The following DSCAM variants were observed in gnomAD, a reference collection of about 807,000 sequenced individuals.
The protein encoded by DSCAM is DS cell adhesion molecule.
Under a neutral mutation model 217.7 loss-of-function variants are expected in DSCAM, and 47 were observed. That is an observed-to-expected ratio of 0.22 (90% CI 0.17 to 0.28). DSCAM has a LOEUF of 0.28. Ranked by LOEUF, DSCAM falls within the 10% of genes least tolerant of loss-of-function variation. The pLI is 1.00. For synonymous variants in DSCAM, 1,056 were observed against 1,015.3 expected, an observed-to-expected ratio of 1.04 and a Z score of -0.76; for missense variants, 2,080 against 2,618.3, an observed-to-expected ratio of 0.79 and a Z score of 4.49.
chr21:40,342,371 A>G (rs553695625), intron 6 of DSCAM, among the ~76,000 whole-genome samples: 1 of 151,868 alleles, frequency 6.6e-6, no homozygotes, highest in African/African-American at 2.4e-5. Context: ...ATTTGTGTTG[A>G]CATTTAATGC....
chr21:40,094,148 G>A (rs1182272723), intron 20 of DSCAM, among the ~76,000 whole-genome samples: 1 of 152,044 alleles, frequency 6.6e-6, no homozygotes, highest in African/African-American at 2.4e-5. Flanking sequence ...CTGAGATGGA[G>A]TAACAAGAAC....
intron 3 of DSCAM, among the ~76,000 whole-genome samples, chr21:40,506,768 C>A (rs1294930004): frequency 6.6e-6 from 1 of 152,074 alleles, no homozygotes; most frequent in East Asian, 1.9e-4. Flanking sequence ...TTGGAAACAT[C>A]AGATTGGTGG....
intron 1 of DSCAM, among the ~76,000 whole-genome samples, chr21:40,812,313 A>G (rs2091846284): frequency 6.6e-6 from 1 of 152,186 alleles, no homozygotes; most frequent in African/African-American, 2.4e-5. Flanking sequence ...ACTCAGGTCA[A>G]TGACAGCACC....
chr21:40,677,770 C>A (rs1393723448), intron 3 of DSCAM, among the ~76,000 whole-genome samples: 1 of 152,096 alleles, frequency 6.6e-6, no homozygotes, highest in East Asian at 1.9e-4. Flanking sequence ...CCCAGAGACA[C>A]CATTCGCCTC....
At chr21:40,551,562 G>A (rs954329613) in intron 3 of DSCAM, among the ~76,000 whole-genome samples, 7 of 152,198 alleles carry the variant, frequency 4.6e-5, no homozygotes, top group African/African-American at 1.7e-4. Flanking sequence ...GGGCCTGGAA[G>A]ATGAAAGATC....
intron 3 of DSCAM, among the ~76,000 whole-genome samples, chr21:40,666,757 G>C (rs928271620): frequency 1.3e-5 from 2 of 152,196 alleles, no homozygotes; most frequent in Non-Finnish European, 2.9e-5. Context: ...GTTAGCGCTA[G>C]ACAACAATGA....
At chr21:40,383,874 G>A (rs2075052916) in intron 3 of DSCAM, 1 of 152,198 alleles carries the variant, frequency 6.6e-6, no homozygotes, top group Non-Finnish European at 1.5e-5. Context: ...GGCATTCAAT[G>A]ATTGCAGATA....
intron 3 of DSCAM, among the ~76,000 whole-genome samples, chr21:40,645,566 TGAG>T (rs1274188938): frequency 6.6e-6 from 1 of 152,154 alleles, no homozygotes; most frequent in African/African-American, 2.4e-5. Context: ...ATAAGTAGTA[TGAG>T]AAGAATAGGT....
At chr21:40,532,811 G>T (rs1348261455) in intron 3 of DSCAM, among the ~76,000 whole-genome samples, 2 of 152,000 alleles carry the variant, frequency 1.3e-5, no homozygotes, top group East Asian at 3.9e-4. Flanking sequence ...ACCTGCAAAT[G>T]GAATGGCCCT....
chr21:40,522,214 G>A (rs1220543956), intron 3 of DSCAM, among the ~76,000 whole-genome samples: 1 of 152,148 alleles, frequency 6.6e-6, no homozygotes, highest in African/African-American at 2.4e-5. Context: ...GCAGTTAGTA[G>A]ACAGAAACCC....
At chr21:40,786,382 G>A (rs1488160284) in intron 1 of DSCAM, among the ~76,000 whole-genome samples, 1 of 152,118 alleles carries the variant, frequency 6.6e-6, no homozygotes, top group African/African-American at 2.4e-5. Flanking sequence ...CAGACATGCA[G>A]GTACCATAGT....
At position 40,339,419 on chromosome 21, in the gene DSCAM, C is replaced by A; in HGVS notation, c.1211-4G>T. The A allele has an allele frequency of 6.3e-7, 1 of 1,591,428 alleles. No homozygotes were observed. The highest frequency in any genetic ancestry group is 8.6e-7 in the Non-Finnish European group (1 of 1,168,624). On this transcript the variant is annotated splice_polypyrimidine_tract_variant and splice_region_variant and intron_variant, in intron 6 of 32. Coordinates refer to ENST00000400454, the MANE Select transcript of DSCAM (RefSeq NM_001389.5). Reference sequence around the variant, plus strand: ...GAAATAATTTTGGGAGTTCCATCTGCAGGAAAACAAATTATGGAAGAAAGT... The same window carrying A: ...GAAATAATTTTGGGAGTTCCATCTGAAGGAAAACAAATTATGGAAGAAAGT...
chr21:40,044,044 C>T (rs201605543), intron 31 of DSCAM, 34 bp downstream of exon 31: 5 of 1,610,334 alleles, frequency 3.1e-6, no homozygotes, highest in Non-Finnish European at 4.2e-6. Flanking sequence ...CCGTGCTGGT[C>T]CCCAGGGACG....
At position 40,692,875 on chromosome 21, in the gene DSCAM, G is replaced by T; in HGVS notation, c.443C>A (p.Pro148His). 1 of 1,613,972 alleles carries T rather than the reference G, an allele frequency of 6.2e-7. No individual in the cohort carries two copies. The highest frequency in any genetic ancestry group is 8.5e-7 in the Non-Finnish European group (1 of 1,179,898). Residue 148 changes from proline (P) to histidine (H), a missense_variant, in exon 3 of 33, where the codon CCC becomes CAC. Pro to His is a moderately conservative substitution (Grantham distance 77, BLOSUM62 -2). Transcript: ENST00000400454. The part of the protein sequence containing the change: ...GNVAVFKCII[P>H]SSVEAYITVV... ...AGTGATGTACGCCTCCACCGAGGAGGGGATAATGCACTTGAAGACCGCAAC... is the reference window on the plus strand; with the variant it reads ...AGTGATGTACGCCTCCACCGAGGAGTGGATAATGCACTTGAAGACCGCAAC...
intron 3 of DSCAM, among the ~76,000 whole-genome samples, chr21:40,552,861 C>A (rs114327605): frequency 0.011 from 1,663 of 152,264 alleles, 30 homozygotes; most frequent in African/African-American, 0.038. Context: ...TCATTTCACC[C>A]AATATAATAA....
intron 9 of DSCAM, among the ~76,000 whole-genome samples, chr21:40,302,788 G>C (rs1375440533): frequency 6.6e-6 from 1 of 152,138 alleles, no homozygotes; most frequent in East Asian, 1.9e-4. Context: ...GTTTACTCCT[G>C]GTGTTGCCTA....
At chr21:40,248,992 C>A (rs1004377544) in intron 11 of DSCAM, among the ~76,000 whole-genome samples, 1 of 152,154 alleles carries the variant, frequency 6.6e-6, no homozygotes, top group Non-Finnish European at 1.5e-5. Context: ...GACTTATTCA[C>A]CATCACACGA....
chr21:40,816,914 T>G (rs924533133), intron 1 of DSCAM, among the ~76,000 whole-genome samples: 1 of 152,144 alleles, frequency 6.6e-6, no homozygotes, highest in African/African-American at 2.4e-5. Flanking sequence ...ATTCTACACA[T>G]GGCTTCGAGC....
intron 4 of DSCAM, among the ~76,000 whole-genome samples, chr21:40,362,988 T>C (rs2074784512): frequency 6.6e-6 from 1 of 152,180 alleles, no homozygotes; most frequent in Non-Finnish European, 1.5e-5. Flanking sequence ...AGAGCCGCTT[T>C]ATGTTGATTC....
Sources: gnomAD v4.1 joint callset for allele counts (sites outside exome capture counted in the v4.1 genomes callset) on GRCh38, gnomAD v4.1.1 for gene constraint, MANE v1.5 for transcripts, NCBI Gene and HGNC (gene_info 2026-07-23, HGNC 2026-07-21) for gene names.